Variants in SOS1 observed in about 807,000 individuals in gnomAD.
SOS1 encodes son of sevenless homolog 1.
SOS1 carries 25 observed loss-of-function variants against 157.6 expected under a neutral mutation model. The observed-to-expected ratio is 0.16, with a 90% CI of 0.12 to 0.22. The LOEUF is 0.22. Ranked by LOEUF, SOS1 falls within the 10% of genes least tolerant of loss-of-function variation. SOS1 has a pLI of 1.00. For missense variants in SOS1, 1,237 were observed against 1,599.1 expected, an observed-to-expected ratio of 0.77 and a Z score of 3.86; for synonymous variants, 528 against 534.0, an observed-to-expected ratio of 0.99 and a Z score of 0.16.
intron 6 of SOS1, among the ~76,000 whole-genome samples, chr2:39,043,321 CA>C (rs932494160): frequency 3.3e-5 from 5 of 152,074 alleles, no homozygotes; most frequent in African/African-American, 1.2e-4. Flanking sequence ...GATATATAGA[CA>C]TATGTTTTAT....
chr2:39,097,593 T>G (rs1672818373), intron 1 of SOS1, among the ~76,000 whole-genome samples: 1 of 151,990 alleles, frequency 6.6e-6, no homozygotes, highest in Non-Finnish European at 1.5e-5. Context: ...GGTCTCGCTC[T>G]GTCACCCAGG....
intron 17 of SOS1, among the ~76,000 whole-genome samples, chr2:39,006,163 T>C (rs968387760): frequency 2.0e-5 from 3 of 152,162 alleles, no homozygotes; most frequent in Non-Finnish European, 4.4e-5. Context: ...AAAAGGCTTT[T>C]ATAAATATAA....
Position 39,016,138 on chromosome 2 carries a change from A to G in SOS1, c.1859-1292T>C, listed in dbSNP as rs141201632. 2.6e-4 allele frequency among the ~76,000 whole-genome samples: 39 copies of G among 152,188 alleles called. No homozygotes were observed. The East Asian group carries it at 6.9e-3, about 27-fold the overall frequency. ...TTTTCCCCAAAAAGCAAATTCATGG[A>G]TTTATCACAAAACAGAAATATACTT... On this transcript the variant is annotated intron_variant, in intron 10 of 22. Coordinates refer to ENST00000402219, the MANE Select transcript of SOS1 (RefSeq NM_005633.4).
chr2:39,025,618 C>T (rs975359790), intron 8 of SOS1, among the ~76,000 whole-genome samples: 2 of 152,072 alleles, frequency 1.3e-5, no homozygotes, highest in Non-Finnish European at 2.9e-5. Flanking sequence ...CTTCGGCCTC[C>T]CAAAGTGCTG....
In SOS1 at chr2:39,051,298, G is replaced by A. The variant is rs773795657; in HGVS notation, c.721-11C>T. 3.7e-6 allele frequency: 6 copies of A among 1,607,656 alleles called. No individual in the cohort carries two copies. The East Asian group carries it at 1.3e-4, about 36-fold the overall frequency. On this transcript the variant is annotated splice_polypyrimidine_tract_variant and intron_variant, in intron 5 of 22. Transcript: ENST00000402219. ...TATATTTTCTACATCCTGTTTGGGGGAAAACACATTAATTCAGTGAGGCTG... is the reference window on the plus strand; with the variant it reads ...TATATTTTCTACATCCTGTTTGGGGAAAAACACATTAATTCAGTGAGGCTG...
intron 13 of SOS1, among the ~76,000 whole-genome samples, 163 bp from the exon 14 acceptor site, chr2:39,012,511 G>C (rs904241568): frequency 6.6e-6 from 1 of 151,792 alleles, no homozygotes; most frequent in African/African-American, 2.4e-5. Context: ...TCCATTTCCC[G>C]GTCCCCAATC....
chr2:39,082,344 A>C (rs956071074), intron 1 of SOS1, among the ~76,000 whole-genome samples: 4 of 152,218 alleles, frequency 2.6e-5, no homozygotes, highest in Non-Finnish European at 4.4e-5. Flanking sequence ...GAAAAGCAGA[A>C]TAAGACAAAG....
chr2:39,060,409 G>T (rs6739568), intron 2 of SOS1, among the ~76,000 whole-genome samples: 140,702 of 152,314 alleles, frequency 0.92, 65,094 homozygotes, highest in African/African-American at 0.97. Context: ...ACTGGCATTT[G>T]CTATTCTGTT....
At chr2:39,003,673 T>C (rs2124494401) in intron 17 of SOS1, among the ~76,000 whole-genome samples, 1 of 152,336 alleles carries the variant, frequency 6.6e-6, no homozygotes, top group Admixed American at 6.5e-5. Context: ...ACAAATTAAT[T>C]GACAGATTGT....
chr2:39,027,461 T>C (rs1006514519), intron 8 of SOS1, among the ~76,000 whole-genome samples: 5 of 152,228 alleles, frequency 3.3e-5, no homozygotes, highest in African/African-American at 4.8e-5. Context: ...TAAAATAAAT[T>C]TCAGTGTAAT....
chr2:39,038,627 G>A (rs1054385913), intron 6 of SOS1, among the ~76,000 whole-genome samples: 3 of 149,906 alleles, frequency 2.0e-5, no homozygotes, highest in Non-Finnish European at 4.4e-5. Context: ...CTAGCTACTC[G>A]GGAGGCTGAG....
chr2:39,026,793 G>A (rs779986639), intron 8 of SOS1, among the ~76,000 whole-genome samples: 1 of 152,002 alleles, frequency 6.6e-6, no homozygotes, highest in Non-Finnish European at 1.5e-5. Context: ...GGCTTCCCTG[G>A]GCCAAACTGG....
rs1385580788 is a variant in SOS1, at chr2:39,102,629, G to C, written c.87+17707C>G. ...AAGGATTTTGAAGTCCAGAAGATCA[G>C]GTTATATAGATTCTGGAAAAGAAAG... On this transcript the variant is annotated intron_variant, in intron 1 of 22. Coordinates refer to ENST00000402219, the MANE Select transcript of SOS1 (RefSeq NM_005633.4). 2.6e-5 allele frequency among the ~76,000 whole-genome samples: 4 copies of C among 151,484 alleles called. No homozygotes were observed. In the East Asian group the frequency reaches 7.8e-4, roughly 30 times the overall value.
intron 6 of SOS1, among the ~76,000 whole-genome samples, chr2:39,046,103 G>C (rs1027915350): frequency 6.6e-6 from 1 of 152,038 alleles, no homozygotes; most frequent in African/African-American, 2.4e-5. Flanking sequence ...AATGTAGTTG[G>C]ATTTTTTTAT....
intron 5 of SOS1, among the ~76,000 whole-genome samples, chr2:39,052,848 T>C (rs901300696): frequency 2.6e-5 from 4 of 152,176 alleles, no homozygotes; most frequent in African/African-American, 4.8e-5. Context: ...TTTATGTTTA[T>C]TGTTATAAAG....
At chr2:39,085,418 C>T (rs1044810467) in intron 1 of SOS1, among the ~76,000 whole-genome samples, 4 of 152,202 alleles carry the variant, frequency 2.6e-5, no homozygotes, top group African/African-American at 7.2e-5. Flanking sequence ...ATTCACAATA[C>T]ATGTGATGTG....
In SOS1 at chr2:39,096,915, A is replaced by G. The variant is rs183014739; in HGVS notation, c.87+23421T>C. Among the ~76,000 whole-genome samples the G allele has an allele frequency of 4.9e-4, 74 of 152,218 alleles. 1 individual carries two copies. The East Asian group carries it at 0.014, about 29-fold the overall frequency. On this transcript the variant is annotated intron_variant, in intron 1 of 22. Transcript: ENST00000402219. ...AAAAAAAAAATCTTGGCTGAAATAC[A>G]TATTTACTTTTCTTCAAGCAATATA...
At chr2:39,012,741 T>A (rs571207535) in intron 13 of SOS1, among the ~76,000 whole-genome samples, 1 of 152,300 alleles carries the variant, frequency 6.6e-6, no homozygotes, top group South Asian at 2.1e-4. Context: ...ACAATATTCA[T>A]CTAATTAACA....
chr2:39,092,260 G>T (rs1355001049), intron 1 of SOS1, among the ~76,000 whole-genome samples: 2 of 152,046 alleles, frequency 1.3e-5, no homozygotes, highest in African/African-American at 4.8e-5. Flanking sequence ...AGTGTAGTGG[G>T]AGGATCATGG....
Sources: allele counts gnomAD v4.1 joint callset (sites outside exome capture counted in the v4.1 genomes callset), GRCh38; gene constraint gnomAD v4.1.1; transcripts MANE v1.5; gene names NCBI Gene and HGNC (gene_info 2026-07-23, HGNC 2026-07-21).